ADAM10: variants seen among roughly 807,000 people sequenced by gnomAD.
ADAM10 encodes the protein disintegrin and metalloproteinase domain-containing protein 10.
A neutral mutation model predicts 90.1 loss-of-function variants in ADAM10; 17 were observed. The ratio of observed to expected loss-of-function variants is 0.19; its 90% CI spans 0.13 to 0.28. ADAM10 has a LOEUF of 0.28. ADAM10 is among the 10% of genes least tolerant of loss of function. The pLI, the probability that ADAM10 is intolerant of heterozygous loss-of-function variation, is 1.00. For missense variants in ADAM10, 610 were observed against 914.3 expected (o/e 0.67, Z 4.29); for synonymous variants, 310 against 298.6 (o/e 1.04, Z -0.40).
At chr15:58,687,122 G>A (rs1301156275) in intron 2 of ADAM10, among the ~76,000 whole-genome samples, 2 of 152,134 alleles carry the variant, frequency 1.3e-5, no homozygotes, top group African/African-American at 4.8e-5. Context: ...CAAATTGCTG[G>A]GAGGAAGAAT....
rs1176204968 is a variant in ADAM10 at position 58,688,786 on chromosome 15, A to ATCTC, written c.207-6476_207-6473dup. On this transcript the variant is annotated intron_variant, in intron 2 of 15. Coordinates refer to ENST00000260408, the MANE Select transcript of ADAM10 (RefSeq NM_001110.4). ...AAAAATTATATATATATATATATAT[A>ATCTC]TCTCTCTCTCTCACTGGACTGACTT... is the stretch of plus-strand genomic sequence containing the variant. Among the ~76,000 whole-genome samples, 182 of 121,996 alleles carry ATCTC rather than the reference A, an allele frequency of 1.5e-3. 2 individuals carry two copies. Among genetic ancestry groups the ATCTC allele is most frequent in the Middle Eastern group, 7.7e-3 (2 of 260 alleles). 80.0% of individuals were successfully genotyped at this position (121,996 alleles called of 152,430 possible).
chr15:58,622,927 T>C (rs561899281), intron 10 of ADAM10, among the ~76,000 whole-genome samples: 29 of 152,320 alleles, frequency 1.9e-4, no homozygotes, highest in African/African-American at 7.0e-4. Context: ...TATATCCCAG[T>C]ATAGGCAAAA....
At chr15:58,655,401 GAGCA>G (rs1417030368) in intron 5 of ADAM10, 1 of 153,886 alleles carries the variant, frequency 6.5e-6, no homozygotes, top group East Asian at 1.9e-4. Context: ...CTGGAAGCAG[GAGCA>G]AGCAAGAGTG....
At chr15:58,655,192 A>G (rs1265969119) in intron 5 of ADAM10, 2 of 152,162 alleles carry the variant, frequency 1.3e-5, no homozygotes, top group Non-Finnish European at 2.9e-5. Context: ...TTGGGTGCAT[A>G]TACGTATTAG....
At chr15:58,713,432 G>C (rs1439537765) in intron 2 of ADAM10, among the ~76,000 whole-genome samples, 1 of 152,098 alleles carries the variant, frequency 6.6e-6, no homozygotes, top group Non-Finnish European at 1.5e-5. Context: ...TAACTAAAAT[G>C]ACCATCATCG....
chr15:58,719,049 C>T (rs1353513802), intron 1 of ADAM10, among the ~76,000 whole-genome samples: 3 of 152,182 alleles, frequency 2.0e-5, no homozygotes, highest in African/African-American at 4.8e-5. Flanking sequence ...TTTCGCTGGG[C>T]GTGGTGGCTC....
chr15:58,619,457 T>C (rs551132234), intron 11 of ADAM10, among the ~76,000 whole-genome samples: 41 of 152,228 alleles, frequency 2.7e-4, no homozygotes, highest in Non-Finnish European at 4.9e-4. Flanking sequence ...AATTTCAAAA[T>C]AGAAGATTTA....
At chr15:58,701,172 G>A (rs1898127138) in intron 2 of ADAM10, among the ~76,000 whole-genome samples, 1 of 151,598 alleles carries the variant, frequency 6.6e-6, no homozygotes, top group Admixed American at 6.6e-5. Flanking sequence ...CTGTTGAATA[G>A]AAGAAAATAT....
intron 2 of ADAM10, among the ~76,000 whole-genome samples, chr15:58,694,145 C>G (rs1357066145): frequency 6.6e-6 from 1 of 152,152 alleles, no homozygotes; most frequent in African/African-American, 2.4e-5. Flanking sequence ...CACTTTCTTA[C>G]AAAGTCAAAC....
At chr15:58,630,573 C>T (rs1310720166) in intron 9 of ADAM10, among the ~76,000 whole-genome samples, 1 of 152,236 alleles carries the variant, frequency 6.6e-6, no homozygotes, top group South Asian at 2.1e-4. Flanking sequence ...AATTTTCACC[C>T]TGAGAGACAG....
At chr15:58,688,786 A>ATCTCTC (rs1176204968) in intron 2 of ADAM10, among the ~76,000 whole-genome samples, 42 of 122,296 alleles carry the variant, frequency 3.4e-4, no homozygotes, top group East Asian at 8.3e-4. Flanking sequence ...ATATATATAT[A>ATCTCTC]TCTCTCTCTC....
rs571115003 is a variant in ADAM10 at position 58,592,379 on chromosome 15, G to A, written c.*5168C>T. ...TCCACTACCATCATTAACTCACAGA[G>A]TTAAATACAATACTATGAGTTTCAA... On this transcript the variant is annotated 3_prime_UTR_variant, in exon 16 of 16. Coordinates refer to ENST00000260408, the MANE Select transcript of ADAM10 (RefSeq NM_001110.4). 1 of 152,192 alleles carries A rather than the reference G, an allele frequency of 6.6e-6. No individual in the cohort carries two copies. Among genetic ancestry groups the A allele is most frequent in the Non-Finnish European group, 1.5e-5 (1 of 68,026 alleles). The allele number at this position is 152,192 out of a possible 1,614,324, so 9.4% of individuals were successfully genotyped here.
chr15:58,686,833 G>GT (rs781348323), intron 2 of ADAM10, among the ~76,000 whole-genome samples: 8 of 152,096 alleles, frequency 5.3e-5, no homozygotes, highest in Non-Finnish European at 1.0e-4. Flanking sequence ...GTAATAGCTT[G>GT]TTTTTTTGTG....
At chr15:58,601,385 A>C (rs7171098) in intron 14 of ADAM10, among the ~76,000 whole-genome samples, 87,185 of 151,870 alleles carry the variant, frequency 0.57, 27,496 homozygotes, top group East Asian at 0.95. Flanking sequence ...CGCTTGAACC[A>C]GGGAGGCAGA....
chr15:58,687,125 G>C, intron 2 of ADAM10, among the ~76,000 whole-genome samples: 1 of 152,172 alleles, frequency 6.6e-6, no homozygotes, highest in East Asian at 1.9e-4. Context: ...ATTGCTGGGA[G>C]GAAGAATAGG....
intron 5 of ADAM10, among the ~76,000 whole-genome samples, chr15:58,660,506 C>G (rs1896940080): frequency 6.6e-6 from 1 of 151,712 alleles, no homozygotes. Context: ...AAAATTGAGA[C>G]AGGGTCTCGC....
chr15:58,660,952 C>T (rs897933425), intron 5 of ADAM10, among the ~76,000 whole-genome samples: 3 of 152,244 alleles, frequency 2.0e-5, no homozygotes, highest in Non-Finnish European at 4.4e-5. Flanking sequence ...ACTTTACTTA[C>T]AAAAGCAAAC....
intron 4 of ADAM10, chr15:58,676,298 A>T (rs761017189): frequency 4.4e-6 from 2 of 455,826 alleles, no homozygotes; most frequent in Non-Finnish European, 8.8e-6. Flanking sequence ...CTTCACCTAT[A>T]AAGTGGGAAT....
chr15:58,717,023 G>C (rs768783948), intron 2 of ADAM10, among the ~76,000 whole-genome samples: 34 of 152,044 alleles, frequency 2.2e-4, no homozygotes, highest in Non-Finnish European at 4.6e-4. Context: ...ATGTTGAGAA[G>C]ATTAAACAAG....
Sources: gnomAD v4.1 joint callset for allele counts (sites outside exome capture counted in the v4.1 genomes callset) on GRCh38, gnomAD v4.1.1 for gene constraint, MANE v1.5 for transcripts, NCBI Gene and HGNC (gene_info 2026-07-23, HGNC 2026-07-21) for gene names.